The following MBNL3 variants were observed in gnomAD, a reference collection of about 807,000 sequenced individuals.
MBNL3 encodes muscleblind-like protein 3.
A neutral mutation model predicts 24.5 loss-of-function variants in MBNL3; 6 were observed. That is an observed-to-expected ratio of 0.25 (90% CI 0.13 to 0.48). MBNL3 has a LOEUF of 0.48. MBNL3 is among the 20% of genes least tolerant of loss of function. The probability of loss-of-function intolerance (pLI) is 0.99; values close to 1 mark genes in which losing one functional copy is unlikely to be tolerated. For synonymous variants in MBNL3, 100 were observed against 101.7 expected (o/e 0.98, Z 0.10); for missense variants, 230 against 293.5 (o/e 0.78, Z 1.58).
chrX:132,445,659 T>C (rs766195616), intron 1 of MBNL3, among the ~76,000 whole-genome samples: 1 of 111,321 alleles, frequency 9.0e-6, no homozygotes, highest in South Asian at 3.8e-4. Context: ...AAAAAATAGG[T>C]GCAACAGTGT....
Position 132,403,350 on chromosome X carries a change from G to A in MBNL3, c.342+2878C>T, listed in dbSNP as rs879041562. Among the ~76,000 whole-genome samples, 11 of 111,268 alleles carry A rather than the reference G, an allele frequency of 9.9e-5. No individual in the cohort carries two copies. In the East Asian group the frequency reaches 1.1e-3, roughly 11 times the overall value. Reference sequence around the variant, plus strand: ...GGAATTAATCATTTATCGGCTCATCGCATCATAACAGCTATCATTAAATAA... The same window carrying A: ...GGAATTAATCATTTATCGGCTCATCACATCATAACAGCTATCATTAAATAA... On this transcript the variant is annotated intron_variant, in intron 3 of 8. Coordinates refer to ENST00000370853, the MANE Select transcript of MBNL3 (RefSeq NM_001386889.1).
At chrX:132,461,766 T>C (rs1946642267) in intron 1 of MBNL3, among the ~76,000 whole-genome samples, 1 of 112,163 alleles carries the variant, frequency 8.9e-6, no homozygotes, top group Non-Finnish European at 1.9e-5. Flanking sequence ...CCTATTTTCC[T>C]TTAGCATGAA....
chrX:132,434,888 T>A (rs900904544), intron 2 of MBNL3, among the ~76,000 whole-genome samples: 4 of 111,755 alleles, frequency 3.6e-5, no homozygotes, highest in African/African-American at 1.3e-4. Context: ...GTCTTGAGTT[T>A]ACTTAAGAAT....
chrX:132,456,451 T>G (rs1206420835), intron 1 of MBNL3, among the ~76,000 whole-genome samples: 6 of 112,203 alleles, frequency 5.3e-5, no homozygotes, highest in Non-Finnish European at 1.1e-4. Context: ...AAGGTCAATC[T>G]ATTGATTATT....
At chrX:132,417,503 A>T (rs1477290650) in intron 2 of MBNL3, among the ~76,000 whole-genome samples, 3 of 111,558 alleles carry the variant, frequency 2.7e-5, no homozygotes, top group Admixed American at 1.9e-4. Flanking sequence ...TATGAACTGT[A>T]CTCCCTTAGT....
chrX:132,451,999 G>A (rs1489788662), intron 1 of MBNL3, among the ~76,000 whole-genome samples: 2 of 111,169 alleles, frequency 1.8e-5, no homozygotes, highest in Non-Finnish European at 3.8e-5. Flanking sequence ...TGGGCTGCAC[G>A]CACTGTCTAA....
chrX:132,392,042 G>T, intron 4 of MBNL3, 101 bp downstream of exon 4: 1 of 733,437 alleles, frequency 1.4e-6, no homozygotes, highest in South Asian at 3.4e-5. Flanking sequence ...AAGAAATTTG[G>T]GTTCTCTTAT....
intron 2 of MBNL3, among the ~76,000 whole-genome samples, chrX:132,426,298 A>T (rs1449838043): frequency 8.9e-6 from 1 of 112,167 alleles, no homozygotes; most frequent in Non-Finnish European, 1.9e-5. Context: ...GATGAGCACA[A>T]GGTCAGTAGG....
At chrX:132,440,787 C>T (rs775587123) in intron 1 of MBNL3, among the ~76,000 whole-genome samples, 1 of 112,234 alleles carries the variant, frequency 8.9e-6, no homozygotes, top group East Asian at 2.8e-4. Context: ...CAGTGTGAAC[C>T]AGCTACAATT....
At chrX:132,380,959 T>A (rs1205992022) in intron 8 of MBNL3, among the ~76,000 whole-genome samples, 2 of 111,732 alleles carry the variant, frequency 1.8e-5, no homozygotes, top group Admixed American at 1.9e-4. Context: ...ACAGGCATAG[T>A]GCTTACTGTG....
In MBNL3 at chrX:132,450,492, G is replaced by A. The variant is rs183083592; in HGVS notation, c.-703-10178C>T. On this transcript the variant is annotated intron_variant, in intron 1 of 8. Coordinates refer to ENST00000370853, the MANE Select transcript of MBNL3 (RefSeq NM_001386889.1). ...CTTTTGTATGCTTCACAAAGTTCTC[G>A]TGCTGTGTTTTTCAGCTCCATCAGA... Among the ~76,000 whole-genome samples the A allele has an allele frequency of 3.6e-5, 4 of 111,573 alleles. No individual in the cohort carries two copies. The East Asian group carries it at 8.5e-4, about 24-fold the overall frequency.
intron 2 of MBNL3, among the ~76,000 whole-genome samples, chrX:132,418,502 C>T (rs1943504406): frequency 8.9e-6 from 1 of 111,918 alleles, no homozygotes; most frequent in African/African-American, 3.3e-5. Flanking sequence ...AATCAAGATA[C>T]TGTGCTTCAT....
rs975665114 is a variant in MBNL3 at position 132,374,035 on chromosome X, C to T, written c.*5631G>A. 2 of 111,292 alleles carry T rather than the reference C, an allele frequency of 1.8e-5. No individual in the cohort carries two copies. Among genetic ancestry groups the T allele is most frequent in the African/African-American group, 6.5e-5 (2 of 30,657 alleles). The allele number at this position is 111,292 out of a possible 1,213,427, so 9.2% of individuals were successfully genotyped here. On this transcript the variant is annotated 3_prime_UTR_variant, in exon 9 of 9. Coordinates refer to ENST00000370853, the MANE Select transcript of MBNL3 (RefSeq NM_001386889.1). The stretch of plus-strand genomic sequence containing the variant: ...GCCATCCTTAACTGTTAAATATCAT[C>T]TTTCAATGGTTACCGATTTGGTTTT...
rs1941816247 is a variant in MBNL3, at chrX:132,406,289, G to A, written c.281C>T (p.Ala94Val). Residue 94 changes from alanine to valine, a missense_variant, in exon 3 of 9, where the codon GCC (alanine) becomes GTC (valine). Ala to Val is a moderately conservative substitution (Grantham distance 64). Transcript: ENST00000370853. ...CATCTGCTGGGCGAACATGGCTGCG[G>A]CAGTCTTCTGTTGAATCAGATTGTT... ...GRNNLIQQKTAAAMFAQQMQL... is the reference protein window; with the variant it reads ...GRNNLIQQKTVAAMFAQQMQL... 8.3e-7 allele frequency: 1 copy of A among 1,209,917 alleles called. No homozygotes were observed. The highest frequency in any genetic ancestry group is 1.7e-5 in the African/African-American group (1 of 57,204).
chrX:132,391,830 G>GT (rs752790693), intron 4 of MBNL3, among the ~76,000 whole-genome samples: 1 of 109,427 alleles, frequency 9.1e-6, no homozygotes, highest in South Asian at 4.1e-4. Flanking sequence ...AGCAAGTAGA[G>GT]ACTCATTAAC....
intron 2 of MBNL3, among the ~76,000 whole-genome samples, chrX:132,412,635 C>T (rs1307142516): frequency 8.9e-6 from 1 of 112,396 alleles, no homozygotes; most frequent in Non-Finnish European, 1.9e-5. Context: ...GCAAATAACA[C>T]TAAAAATCCC....
intron 1 of MBNL3, among the ~76,000 whole-genome samples, chrX:132,448,907 C>T (rs904461347): frequency 8.9e-5 from 10 of 111,910 alleles, no homozygotes; most frequent in African/African-American, 2.6e-4. Flanking sequence ...ATCCTGTAGT[C>T]ATTCTGGAGG....
In MBNL3 at chrX:132,396,536, ATATATATTCC is replaced by A. The variant is rs1408298132; in HGVS notation, c.343-4212_343-4203del. Among the ~76,000 whole-genome samples, 57 of 59,219 alleles carry A rather than the reference ATATATATTCC, an allele frequency of 9.6e-4. 3 individuals carry two copies. Among genetic ancestry groups the A allele is most frequent in the Admixed American group, 4.2e-3 (16 of 3,810 alleles). The allele number at this position is 59,219 out of a possible 115,157, so 51.4% of individuals were successfully genotyped here. ...CATATATATTCATATATATATTCATATATATATTCCTATATATTCCTATATATATTCCTAT... is the reference window on the plus strand; with the variant it reads ...CATATATATTCATATATATATTCATATATATATTCCTATATATATTCCTAT... On this transcript the variant is annotated intron_variant, in intron 3 of 8. Transcript: ENST00000370853.
chrX:132,452,280 T>A (rs950435202), intron 1 of MBNL3, among the ~76,000 whole-genome samples: 2 of 112,452 alleles, frequency 1.8e-5, no homozygotes, highest in Non-Finnish European at 3.8e-5. Flanking sequence ...CATTAAAAGG[T>A]CTTCTTTCAC....
Sources: allele counts gnomAD v4.1 joint callset (sites outside exome capture counted in the v4.1 genomes callset), GRCh38; gene constraint gnomAD v4.1.1; transcripts MANE v1.5; gene names NCBI Gene and HGNC (gene_info 2026-07-23, HGNC 2026-07-21).